The following SLFN5 variants were observed in gnomAD, a reference collection of about 807,000 sequenced individuals.
The protein encoded by SLFN5 is schlafen family member 5.
SLFN5 carries 34 observed loss-of-function variants against 48.5 expected under a neutral mutation model. That is an observed-to-expected ratio of 0.70 (90% CI 0.53 to 0.93). The LOEUF is 0.93. SLFN5 is among the 40% of genes least tolerant of loss of function. The probability of loss-of-function intolerance (pLI) is 0.00; values close to 1 mark genes in which losing one functional copy is unlikely to be tolerated. For synonymous variants in SLFN5, 387 were observed against 396.2 expected (o/e 0.98, Z 0.28); for missense variants, 1,006 against 1,071.3 (o/e 0.94, Z 0.85).
chr17:35,248,516 G>A (rs1489364335), intron 1 of SLFN5, among the ~76,000 whole-genome samples: 2 of 151,926 alleles, frequency 1.3e-5, no homozygotes, highest in African/African-American at 4.8e-5. Context: ...TTAGGTTGGT[G>A]CAAGAGTAAT....
intron 1 of SLFN5, among the ~76,000 whole-genome samples, chr17:35,258,212 T>TA (rs1729680900): frequency 6.6e-6 from 1 of 152,180 alleles, no homozygotes; most frequent in African/African-American, 2.4e-5. Flanking sequence ...ACACTGCTGT[T>TA]AAAGACATAC....
rs182326187 is a variant in SLFN5, at chr17:35,270,109, A to G, written c.*4221A>G. 18 of 152,198 alleles carry G rather than the reference A, an allele frequency of 1.2e-4. No homozygotes were observed. In the East Asian group the frequency reaches 2.5e-3, roughly 21 times the overall value. 9.4% of individuals were successfully genotyped at this position (152,198 alleles called of 1,614,324 possible). On this transcript the variant is annotated 3_prime_UTR_variant, in exon 5 of 5. Transcript: ENST00000299977. ...TAAAAATAATTTTAAAATATTATGT[A>G]TCATATCCTTCGATTTAACATAATT... is the stretch of plus-strand genomic sequence containing the variant.
At chr17:35,243,885 G>A (rs1436589032) in intron 1 of SLFN5, among the ~76,000 whole-genome samples, 9 of 152,226 alleles carry the variant, frequency 5.9e-5, no homozygotes, top group African/African-American at 1.9e-4. Context: ...TTTGGCCAAA[G>A]CGAGAAGGCA....
Position 35,265,877 on chromosome 17 carries a change from G to A in SLFN5, c.2665G>A (p.Ala889Thr). Residue 889 changes from alanine (A) to threonine (T), a missense_variant, in exon 5 of 5, where the codon GCT (alanine) becomes ACT (threonine). Ala to Thr is a moderately conservative substitution (Grantham distance 58). Coordinates refer to ENST00000299977, the MANE Select transcript of SLFN5 (RefSeq NM_144975.4). ...AAAAAGACATCTGTATATTCTGAAG[G>A]CTTCTGTGTGACAGGAAACCCAAGC... The part of the protein sequence containing the change: ...RAKRHLYILK[A>T]SV 1 of 1,585,954 alleles carries A rather than the reference G, an allele frequency of 6.3e-7. No individual in the cohort carries two copies. Among genetic ancestry groups the A allele is most frequent in the South Asian group, 1.2e-5 (1 of 86,904 alleles).
At position 35,259,521 on chromosome 17, in the gene SLFN5, C is replaced by A. The variant is rs747844408; in HGVS notation, c.831C>A (p.Val277=). 3.2e-5 allele frequency: 51 copies of A among 1,614,036 alleles called. No homozygotes were observed. The highest frequency in any genetic ancestry group is 1.3e-4 in the Admixed American group (8 of 59,990). The part of the protein sequence containing the change: ...FCTQRPEIKY[V]LNFLEVHDKG... Reference sequence around the variant, plus strand: ...CACAGAGGCCTGAGATAAAATATGTCCTTAACTTCCTTGAAGTGCATGATA... The same window carrying A: ...CACAGAGGCCTGAGATAAAATATGTACTTAACTTCCTTGAAGTGCATGATA... The change falls in exon 2 of 5, where the codon GTC becomes GTA. Residue 277 remains valine (V), a synonymous_variant. Coordinates refer to ENST00000299977, the MANE Select transcript of SLFN5 (RefSeq NM_144975.4).
chr17:35,258,785 A>G lies in SLFN5; in HGVS notation c.95A>G (p.Asp32Gly). Reference protein sequence around the residue: ...TLGTQQRQEMDPRLREKQNEI... With the variant: ...TLGTQQRQEMGPRLREKQNEI... ...GGGACTCAGCAGAGGCAGGAGATGGACCCTCGCCTGCGGGAGAAACAGAAT... is the reference window on the plus strand; with the variant it reads ...GGGACTCAGCAGAGGCAGGAGATGGGCCCTCGCCTGCGGGAGAAACAGAAT... The change falls in exon 2 of 5, where the codon GAC (aspartate) becomes GGC (glycine). Residue 32 changes from aspartate (D) to glycine (G), a missense_variant. Physicochemically the swap from Asp to Gly is moderately conservative, Grantham distance 94. Transcript: ENST00000299977. 2 of 1,614,080 alleles carry G rather than the reference A, an allele frequency of 1.2e-6. No individual in the cohort carries two copies. Among genetic ancestry groups the G allele is most frequent in the Non-Finnish European group, 1.7e-6 (2 of 1,180,020 alleles).
In SLFN5 at chr17:35,259,718, C is replaced by G; in HGVS notation, c.1012+16C>G. 6.3e-7 allele frequency: 1 copy of G among 1,596,980 alleles called. No individual in the cohort carries two copies. Among genetic ancestry groups the G allele is most frequent in the Non-Finnish European group, 8.5e-7 (1 of 1,177,974 alleles). ...GCTGACCCAGGTTAGGGAGCAATAT[C>G]CACAATGGTTGTAATGTTTGCTGGC... On this transcript the variant is annotated intron_variant, in intron 2 of 4. Transcript: ENST00000299977.
In SLFN5 at chr17:35,259,324, C is replaced by T. The variant is rs999754149; in HGVS notation, c.634C>T (p.Leu212Phe). The T allele has an allele frequency of 1.2e-6, 2 of 1,614,152 alleles. No homozygotes were observed. The highest frequency in any genetic ancestry group is 1.7e-6 in the Non-Finnish European group (2 of 1,180,042). ...CGTGTCACACTGTGTTAAAGACAGA[C>T]TTCCGAAGTGTGTTTCTGCATTTGC... is the stretch of plus-strand genomic sequence containing the variant. ...TDVSHCVKDR[L>F]PKCVSAFANT... The change falls in exon 2 of 5, where the codon CTT becomes TTT. Residue 212 changes from leucine to phenylalanine, a missense_variant. Leu to Phe is a conservative substitution (Grantham distance 22). Coordinates refer to ENST00000299977, the MANE Select transcript of SLFN5 (RefSeq NM_144975.4).
intron 1 of SLFN5, among the ~76,000 whole-genome samples, chr17:35,245,835 T>G (rs2092429390): frequency 6.6e-6 from 1 of 152,158 alleles, no homozygotes; most frequent in Non-Finnish European, 1.5e-5. Context: ...TGCTTTTTTT[T>G]TTTTTTCCTC....
At chr17:35,262,856 C>G (rs1275450203) in intron 3 of SLFN5, among the ~76,000 whole-genome samples, 2 of 152,004 alleles carry the variant, frequency 1.3e-5, no homozygotes, top group African/African-American at 4.8e-5. Context: ...AGAGCAAGAC[C>G]CCGTCCCCCC....
At chr17:35,257,705 A>G (rs1043260327) in intron 1 of SLFN5, among the ~76,000 whole-genome samples, 1 of 151,682 alleles carries the variant, frequency 6.6e-6, no homozygotes, top group African/African-American at 2.4e-5. Flanking sequence ...TAGGATGTAT[A>G]TATATGATTT....
intron 3 of SLFN5, among the ~76,000 whole-genome samples, chr17:35,262,551 C>T (rs1403096115): frequency 6.6e-6 from 1 of 151,998 alleles, no homozygotes. Flanking sequence ...AGCTTAGAAT[C>T]ATTTTATCCT....
At chr17:35,246,426 T>C (rs1211852396) in intron 1 of SLFN5, among the ~76,000 whole-genome samples, 1 of 152,186 alleles carries the variant, frequency 6.6e-6, no homozygotes, top group African/African-American at 2.4e-5. Flanking sequence ...CCAGCAGCCA[T>C]TAGCACCATT....
rs972487953 is a variant in SLFN5 at position 35,265,287 on chromosome 17, G to A, written c.2075G>A (p.Ser692Asn). ...FLDYFQTYHL[S>N]CSGLPPPSDQ... ...GACTACTTTCAGACCTATCACTTGA[G>A]TTGCAGTGGCCTCCCCCCTCCCTCA... Residue 692 changes from serine to asparagine, a missense_variant, in exon 5 of 5, where the codon AGT (serine) becomes AAT (asparagine). Physicochemically the swap from Ser to Asn is conservative, Grantham distance 46. Coordinates refer to ENST00000299977, the MANE Select transcript of SLFN5 (RefSeq NM_144975.4). 1 of 1,613,808 alleles carries A rather than the reference G, an allele frequency of 6.2e-7. No homozygotes were observed. Among genetic ancestry groups the A allele is most frequent in the African/African-American group, 1.3e-5 (1 of 74,922 alleles).
rs1904705203 is a variant in SLFN5, at chr17:35,266,601, T to C, written c.*713T>C. ...CCTTAGCTCTGATTTTTTATTCTTATGGAGCGTCTTAGGTTACTACATGAA... is the reference window on the plus strand; with the variant it reads ...CCTTAGCTCTGATTTTTTATTCTTACGGAGCGTCTTAGGTTACTACATGAA... On this transcript the variant is annotated 3_prime_UTR_variant, in exon 5 of 5. Transcript: ENST00000299977. 1 of 152,222 alleles carries C rather than the reference T, an allele frequency of 6.6e-6. No individual in the cohort carries two copies. The highest frequency in any genetic ancestry group is 6.5e-5 in the Admixed American group (1 of 15,288). 9.4% of individuals were successfully genotyped at this position (152,222 alleles called of 1,614,324 possible). A position where few individuals can be genotyped will look rare whatever the true frequency, so the allele number is the denominator to read the frequency against.
intron 1 of SLFN5, among the ~76,000 whole-genome samples, chr17:35,250,398 G>T (rs12953259): frequency 0.073 from 11,085 of 152,196 alleles, 993 homozygotes; most frequent in African/African-American, 0.2. Context: ...GGTGGCTCAC[G>T]CCTGTAATCC....
rs1378204417 is a variant in SLFN5 at position 35,271,958 on chromosome 17, G to A, written c.*6070G>A. ...AGGTGGGAGAATCACCCAAGCCTTG[G>A]GAGGTCGAGGCTGTAGTGAGCCAAA... On this transcript the variant is annotated 3_prime_UTR_variant, in exon 5 of 5. Transcript: ENST00000299977. 1 of 152,034 alleles carries A rather than the reference G, an allele frequency of 6.6e-6. No individual in the cohort carries two copies. The highest frequency in any genetic ancestry group is 2.1e-4 in the South Asian group (1 of 4,812). 9.4% of individuals were successfully genotyped at this position (152,034 alleles called of 1,614,324 possible).
At chr17:35,255,095 G>A (rs1267016888) in intron 1 of SLFN5, among the ~76,000 whole-genome samples, 1 of 152,094 alleles carries the variant, frequency 6.6e-6, no homozygotes, top group African/African-American at 2.4e-5. Context: ...TCTATGAGGG[G>A]TGAAGGAGGT....
chr17:35,267,517 C>T lies in SLFN5; in HGVS notation c.*1629C>T, dbSNP rs1372735777. 2.0e-5 allele frequency: 3 copies of T among 151,940 alleles called. No homozygotes were observed. Among genetic ancestry groups the T allele is most frequent in the Non-Finnish European group, 4.4e-5 (3 of 68,026 alleles). The allele number at this position is 151,940 out of a possible 1,614,324, so 9.4% of individuals were successfully genotyped here. A position where few individuals can be genotyped will look rare whatever the true frequency, so the allele number is the denominator to read the frequency against. On this transcript the variant is annotated 3_prime_UTR_variant, in exon 5 of 5. Coordinates refer to ENST00000299977, the MANE Select transcript of SLFN5 (RefSeq NM_144975.4). The stretch of plus-strand genomic sequence containing the variant: ...GACCAGCTTGAGCAATATAGTGAGA[C>T]CCTGTCTCTACAAAAACAAACAAAC...
Sources: allele counts gnomAD v4.1 joint callset (sites outside exome capture counted in the v4.1 genomes callset), GRCh38; gene constraint gnomAD v4.1.1; transcripts MANE v1.5; gene names NCBI Gene and HGNC (gene_info 2026-07-23, HGNC 2026-07-21).